CA5A: variants seen among roughly 807,000 people sequenced by gnomAD.
CA5A encodes carbonic anhydrase 5A.
CA5A carries 28 observed loss-of-function variants against 37.1 expected under a neutral mutation model. The observed-to-expected ratio is 0.75, with a 90% CI of 0.56 to 1.03. The LOEUF is 1.03. CA5A is among the 50% of genes least tolerant of loss of function. The pLI is 0.00. For synonymous variants in CA5A, 171 were observed against 158.4 expected, an observed-to-expected ratio of 1.08 and a Z score of -0.60; for missense variants, 444 against 399.9, an observed-to-expected ratio of 1.11 and a Z score of -0.94.
chr16:87,899,207 CGA>C (rs1567518396), intron 5 of CA5A, among the ~76,000 whole-genome samples: 1 of 150,382 alleles, frequency 6.6e-6, no homozygotes, highest in Non-Finnish European at 1.5e-5. Context: ...AGCCTCTAGG[CGA>C]GAGAGTTGTT....
At chr16:87,910,534 T>A (rs970447414) in intron 2 of CA5A, among the ~76,000 whole-genome samples, 5 of 152,112 alleles carry the variant, frequency 3.3e-5, no homozygotes, top group Admixed American at 2.0e-4. Flanking sequence ...CCAGTAAAGT[T>A]AGGGACCCAA....
At chr16:87,935,369 T>C (rs1294292236) in intron 1 of CA5A, among the ~76,000 whole-genome samples, 1 of 152,158 alleles carries the variant, frequency 6.6e-6, no homozygotes, top group Non-Finnish European at 1.5e-5. Flanking sequence ...GAGTGGTTTA[T>C]TTGTTACAGG....
At chr16:87,916,606 T>C (rs1201337897) in intron 2 of CA5A, among the ~76,000 whole-genome samples, 1 of 152,236 alleles carries the variant, frequency 6.6e-6, no homozygotes, top group Non-Finnish European at 1.5e-5. Context: ...TATGTACATA[T>C]TCGTTTATTT....
intron 5 of CA5A, among the ~76,000 whole-genome samples, chr16:87,901,293 T>C (rs1416537322): frequency 6.6e-6 from 1 of 152,202 alleles, no homozygotes; most frequent in Non-Finnish European, 1.5e-5. Context: ...CAGGCAGATA[T>C]GTCAAACGTC....
chr16:87,894,840 T>C (rs908747338), intron 5 of CA5A, among the ~76,000 whole-genome samples: 3 of 151,498 alleles, frequency 2.0e-5, no homozygotes, highest in South Asian at 2.1e-4. Flanking sequence ...GATGGCACCA[T>C]TGCACTCCAG....
At chr16:87,907,181 G>T (rs1295827579) in intron 2 of CA5A, among the ~76,000 whole-genome samples, 1 of 152,148 alleles carries the variant, frequency 6.6e-6, no homozygotes, top group South Asian at 2.1e-4. Flanking sequence ...TTGCGCCAAT[G>T]CACTTCAGCC....
At chr16:87,886,987 C>G (rs1424008495), downstream of CA5A, 2 of 152,220 alleles carry the variant, frequency 1.3e-5, no homozygotes, top group African/African-American at 2.4e-5. Flanking sequence ...ACTGCAAGCT[C>G]TGCCTCCCGG....
chr16:87,890,463 A>G (rs2055696834), intron 6 of CA5A, among the ~76,000 whole-genome samples: 1 of 152,154 alleles, frequency 6.6e-6, no homozygotes, highest in Non-Finnish European at 1.5e-5. Flanking sequence ...TGAGCCAGAG[A>G]TGCTAAGTCG....
rs1213012266 is a variant in CA5A at position 87,888,186 on chromosome 16, C to T, written c.861G>A (p.Leu287=). The T allele has an allele frequency of 1.2e-6, 2 of 1,613,852 alleles. No individual in the cohort carries two copies. The highest frequency in any genetic ancestry group is 2.7e-5 in the African/African-American group (2 of 74,920). The change falls in exon 7 of 7, where the codon TTG becomes TTA. Residue 287 remains leucine, a synonymous_variant. Coordinates refer to ENST00000649794, the MANE Select transcript of CA5A (RefSeq NM_001739.2). ...AGGACGCCCAGACCTTCCGGTTCATCAAGGGTTGAAGTGGGCGATAGTTGT... is the reference window on the plus strand; with the variant it reads ...AGGACGCCCAGACCTTCCGGTTCATTAAGGGTTGAAGTGGGCGATAGTTGT... ...MVNNYRPLQP[L]MNRKVWASFQ...
chr16:87,912,267 A>G (rs2056062559), intron 2 of CA5A, among the ~76,000 whole-genome samples: 2 of 152,092 alleles, frequency 1.3e-5, no homozygotes, highest in Admixed American at 6.6e-5. Context: ...GTGTCACTGA[A>G]CTCCAGCCTG....
Position 87,888,208 on chromosome 16 carries a change from T to G in CA5A, c.839A>C (p.Asn280Thr). The G allele has an allele frequency of 6.2e-7, 1 of 1,613,868 alleles. No homozygotes were observed. Among genetic ancestry groups the G allele is most frequent in the East Asian group, 2.2e-5 (1 of 44,884 alleles). ...CATCAAGGGTTGAAGTGGGCGATAG[T>G]TGTTCACCATCATCTTCTCCTCTTC... ...LGEEEKMMVN[N>T]YRPLQPLMNR... Residue 280 changes from asparagine to threonine, a missense_variant, in exon 7 of 7, where the codon AAC becomes ACC. Physicochemically the swap from Asn to Thr is moderately conservative, Grantham distance 65 (BLOSUM62 0). Coordinates refer to ENST00000649794, the MANE Select transcript of CA5A (RefSeq NM_001739.2).
At chr16:87,900,667 T>C (rs1326679444) in intron 5 of CA5A, among the ~76,000 whole-genome samples, 1 of 152,252 alleles carries the variant, frequency 6.6e-6, no homozygotes, top group Non-Finnish European at 1.5e-5. Context: ...CACCATCTTT[T>C]CGAGCTGCGC....
At chr16:87,886,753 T>C (rs2055651665), downstream of CA5A, 1 of 152,146 alleles carries the variant, frequency 6.6e-6, no homozygotes, top group South Asian at 2.1e-4. Flanking sequence ...GATCCAAAAC[T>C]ATTCACAGAA....
At chr16:87,915,689 CAAAAAAAAAAA>C (rs10593708) in intron 2 of CA5A, among the ~76,000 whole-genome samples, 4 of 83,616 alleles carry the variant, frequency 4.8e-5, no homozygotes, top group Non-Finnish European at 7.0e-5. Flanking sequence ...ATCCTGTCTC[CAAAAAAAAAAA>C]AAAAAAAAAA....
chr16:87,918,506 A>G (rs922849565), intron 2 of CA5A, among the ~76,000 whole-genome samples: 4 of 151,980 alleles, frequency 2.6e-5, no homozygotes, highest in African/African-American at 9.7e-5. Flanking sequence ...GCTTGCTCCA[A>G]GTGCTGGCAC....
intron 1 of CA5A, 119 bp from the exon 2 acceptor site, chr16:87,927,064 C>T: frequency 1.4e-6 from 1 of 737,368 alleles, no homozygotes. Context: ...GGGAAACTGA[C>T]CCACGGGAAA....
At position 87,923,722 on chromosome 16, in the gene CA5A, A is replaced by G. The variant is rs1001485847; in HGVS notation, c.340+3026T>C. On this transcript the variant is annotated intron_variant, in intron 2 of 6. Coordinates refer to ENST00000649794, the MANE Select transcript of CA5A (RefSeq NM_001739.2). ...AAACAAAAGTCCAAAATAACCTTCA[A>G]AGTTTATACTTTACGACTTAGAGGA... is the stretch of plus-strand genomic sequence containing the variant. 7 of 985,308 alleles carry G rather than the reference A, an allele frequency of 7.1e-6. No homozygotes were observed. In the African/African-American group the frequency reaches 1.0e-4, roughly 15 times the overall value. The allele number at this position is 985,308 out of a possible 1,614,324, so 61.0% of individuals were successfully genotyped here. A position where few individuals can be genotyped will look rare whatever the true frequency, so the allele number is the denominator to read the frequency against.
At chr16:87,934,295 G>A (rs1472957647) in intron 1 of CA5A, among the ~76,000 whole-genome samples, 6 of 152,366 alleles carry the variant, frequency 3.9e-5, no homozygotes, top group African/African-American at 7.2e-5. Context: ...ACAGCTGGGC[G>A]TGGTGGCTCA....
At chr16:87,923,025 G>C (rs1464686854) in intron 2 of CA5A, among the ~76,000 whole-genome samples, 1 of 152,234 alleles carries the variant, frequency 6.6e-6, no homozygotes, top group African/African-American at 2.4e-5. Context: ...AGTTGGTGAA[G>C]GGCTACAATC....
Sources: allele counts gnomAD v4.1 joint callset (sites outside exome capture counted in the v4.1 genomes callset), GRCh38; gene constraint gnomAD v4.1.1; transcripts MANE v1.5; gene names NCBI Gene and HGNC (gene_info 2026-07-23, HGNC 2026-07-21).